The following ARIH2 variants were observed in gnomAD, a reference collection of about 807,000 sequenced individuals.
ARIH2 encodes E3 ubiquitin-protein ligase ARIH2.
A neutral mutation model predicts 79.8 loss-of-function variants in ARIH2; 12 were observed. That is an observed-to-expected ratio of 0.15 (90% confidence interval 0.10 to 0.24). The LOEUF is 0.24. Among genes scored for constraint, ARIH2 ranks in the 10% least tolerant of loss-of-function variants. The pLI is 1.00. For missense variants in ARIH2, 301 were observed against 618.3 expected (o/e 0.49, Z 5.44); for synonymous variants, 224 against 213.9 (o/e 1.05, Z -0.41).
intron 3 of ARIH2, among the ~76,000 whole-genome samples, chr3:48,956,818 C>A (rs1275855686): frequency 6.6e-6 from 1 of 151,970 alleles, no homozygotes. Context: ...CCTGCCTCAG[C>A]CTCCTGATTT....
chr3:48,931,463 G>C (rs2086345245), intron 3 of ARIH2, among the ~76,000 whole-genome samples: 1 of 151,884 alleles, frequency 6.6e-6, no homozygotes, highest in Non-Finnish European at 1.5e-5. Flanking sequence ...GCAGGAGAAT[G>C]GGTGTGAACC....
chr3:48,942,898 G>A (rs2088536932), intron 3 of ARIH2, among the ~76,000 whole-genome samples: 1 of 151,888 alleles, frequency 6.6e-6, no homozygotes, highest in Non-Finnish European at 1.5e-5. Flanking sequence ...TGATCTGCCC[G>A]CCCCATCCTC....
At chr3:48,936,457 G>A (rs915391526) in intron 3 of ARIH2, among the ~76,000 whole-genome samples, 2 of 152,168 alleles carry the variant, frequency 1.3e-5, no homozygotes, top group African/African-American at 4.8e-5. Context: ...ATTTCCACCA[G>A]GCACAGTGGC....
Position 48,964,866 on chromosome 3 carries a change from G to A in ARIH2, c.324-53G>A, listed in dbSNP as rs560678583. ...TTCTCTGTCCTGTTATTGTTCAGGGGTAAAAATGTCTTTAGCTTCTGATTG... is the reference window on the plus strand; with the variant it reads ...TTCTCTGTCCTGTTATTGTTCAGGGATAAAAATGTCTTTAGCTTCTGATTG... On this transcript the variant is annotated intron_variant, in intron 4 of 15. Transcript: ENST00000356401. The A allele has an allele frequency of 1.1e-5, 15 of 1,428,536 alleles. No individual in the cohort carries two copies. In the African/African-American group the frequency reaches 1.7e-4, roughly 16 times the overall value. The allele number at this position is 1,428,536 out of a possible 1,614,324, so 88.5% of individuals were successfully genotyped here.
chr3:48,938,237 A>G (rs1422965159), intron 3 of ARIH2, among the ~76,000 whole-genome samples: 1 of 152,182 alleles, frequency 6.6e-6, no homozygotes, highest in Non-Finnish European at 1.5e-5. Flanking sequence ...TTTCTTTTAC[A>G]AATTTATTAA....
At chr3:48,959,508 A>G (rs2091007966) in intron 3 of ARIH2, among the ~76,000 whole-genome samples, 1 of 151,536 alleles carries the variant, frequency 6.6e-6, no homozygotes, top group Non-Finnish European at 1.5e-5. Flanking sequence ...ACCTAGGCCT[A>G]GAGTCTATGT....
intron 11 of ARIH2, among the ~76,000 whole-genome samples, chr3:48,976,292 CA>C (rs1177153603): frequency 9.4e-4 from 142 of 151,448 alleles, no homozygotes; most frequent in African/African-American, 3.4e-3. Flanking sequence ...TGGCTCAATG[CA>C]ACATCTACCT....
chr3:48,967,851 G>C (rs2091902547), intron 6 of ARIH2, among the ~76,000 whole-genome samples: 1 of 152,120 alleles, frequency 6.6e-6, no homozygotes, highest in South Asian at 2.1e-4. Flanking sequence ...GATACAATTT[G>C]GGATAATATT....
At chr3:48,948,822 GTTCT>G (rs1438638564) in intron 3 of ARIH2, among the ~76,000 whole-genome samples, 1 of 152,090 alleles carries the variant, frequency 6.6e-6, no homozygotes, top group Non-Finnish European at 1.5e-5. Context: ...TTGTTACCTG[GTTCT>G]TTCTCTTAGC....
intron 3 of ARIH2, among the ~76,000 whole-genome samples, chr3:48,933,518 G>A (rs1165883123): frequency 6.6e-6 from 1 of 150,564 alleles, no homozygotes; most frequent in Non-Finnish European, 1.5e-5. Flanking sequence ...GCACATGTGT[G>A]GCATAGTGAA....
chr3:48,932,088 TC>T (rs1253905429), intron 3 of ARIH2, among the ~76,000 whole-genome samples: 2 of 152,306 alleles, frequency 1.3e-5, no homozygotes, highest in East Asian at 3.9e-4. Context: ...GAGGGTAACT[TC>T]CTGTATATGT....
At position 48,984,721 on chromosome 3, in the gene ARIH2, T is replaced by TA. The variant is rs1321830420; in HGVS notation, c.*1452dup. The TA allele has an allele frequency of 6.6e-6, 1 of 152,230 alleles. No homozygotes were observed. Among genetic ancestry groups the TA allele is most frequent in the Non-Finnish European group, 1.5e-5 (1 of 68,048 alleles). The allele number at this position is 152,230 out of a possible 1,614,324, so 9.4% of individuals were successfully genotyped here. On this transcript the variant is annotated 3_prime_UTR_variant, in exon 16 of 16. Coordinates refer to ENST00000356401, the MANE Select transcript of ARIH2 (RefSeq NM_006321.4). ...CTGCTTGACCTCCAAGTAGAGCTGA[T>TA]ACAGAGATCTGTGAATATTGTGATA...
chr3:48,967,051 C>T (rs1466269005), intron 5 of ARIH2, 74 bp from the exon 6 acceptor site: 7 of 1,500,056 alleles, frequency 4.7e-6, no homozygotes, highest in Middle Eastern at 2.1e-4. Context: ...TCCATGCACC[C>T]GGCTGCATGA....
chr3:48,938,216 A>G (rs1369581966), intron 3 of ARIH2, among the ~76,000 whole-genome samples: 1 of 152,218 alleles, frequency 6.6e-6, no homozygotes, highest in African/African-American at 2.4e-5. Flanking sequence ...CTGTAGTAGA[A>G]TACACCAAAT....
At chr3:48,939,603 A>C (rs2087730441) in intron 3 of ARIH2, among the ~76,000 whole-genome samples, 1 of 151,216 alleles carries the variant, frequency 6.6e-6, no homozygotes, top group Non-Finnish European at 1.5e-5. Context: ...TAAAAATACA[A>C]AAAAATTAGC....
intron 3 of ARIH2, among the ~76,000 whole-genome samples, chr3:48,955,561 G>C (rs1337579176): frequency 6.6e-6 from 1 of 152,176 alleles, no homozygotes; most frequent in Non-Finnish European, 1.5e-5. Flanking sequence ...GGGACAGGGG[G>C]TGAAGGACTC....
intron 4 of ARIH2, among the ~76,000 whole-genome samples, chr3:48,964,444 T>C (rs1457173233): frequency 5.3e-5 from 8 of 152,052 alleles, no homozygotes; most frequent in Non-Finnish European, 1.0e-4. Context: ...GGCTCCCAAG[T>C]AGCTGGGACT....
At chr3:48,981,817 C>T (rs1262465901) in intron 14 of ARIH2, 89 bp downstream of exon 14, 5 of 1,108,198 alleles carry the variant, frequency 4.5e-6, no homozygotes, top group Admixed American at 2.0e-5. Flanking sequence ...AGGACCAGAC[C>T]TTGGTCATTG....
At chr3:48,967,763 A>G (rs1028356574) in intron 6 of ARIH2, among the ~76,000 whole-genome samples, 1 of 152,250 alleles carries the variant, frequency 6.6e-6, no homozygotes, top group Non-Finnish European at 1.5e-5. Context: ...AATGTTAAAC[A>G]TCACAAAACT....
Sources: gnomAD v4.1 joint callset for allele counts (sites outside exome capture counted in the v4.1 genomes callset) on GRCh38, gnomAD v4.1.1 for gene constraint, MANE v1.5 for transcripts, NCBI Gene and HGNC (gene_info 2026-07-23, HGNC 2026-07-21) for gene names.